BBX: variants seen among roughly 807,000 people sequenced by gnomAD.
BBX encodes HMG box transcription factor BBX.
BBX carries 30 observed loss-of-function variants against 100.2 expected under a neutral mutation model. That is an observed-to-expected ratio of 0.30 (90% CI 0.22 to 0.41). BBX has a LOEUF of 0.41. BBX is among the 10% of genes least tolerant of loss of function. The probability of loss-of-function intolerance (pLI) is 1.00; values close to 1 mark genes in which losing one functional copy is unlikely to be tolerated. For missense variants in BBX, 1,023 were observed against 1,129.8 expected (o/e 0.91, Z 1.35); for synonymous variants, 376 against 388.1 (o/e 0.97, Z 0.37).
intron 10 of BBX, among the ~76,000 whole-genome samples, chr3:107,771,662 C>T (rs373211296): frequency 6.6e-6 from 1 of 152,164 alleles, no homozygotes; most frequent in East Asian, 1.9e-4. Flanking sequence ...GAGTTCACAT[C>T]AGATCAATTT....
At chr3:107,640,696 T>C (rs1421461259) in intron 2 of BBX, among the ~76,000 whole-genome samples, 1 of 152,192 alleles carries the variant, frequency 6.6e-6, no homozygotes, top group Non-Finnish European at 1.5e-5. Flanking sequence ...GGAGTCTTGC[T>C]CTGTTGCCCA....
chr3:107,688,333 C>G (rs751251837), intron 3 of BBX, among the ~76,000 whole-genome samples: 1 of 152,216 alleles, frequency 6.6e-6, no homozygotes, highest in Non-Finnish European at 1.5e-5. Flanking sequence ...CTGAACAGTT[C>G]TTTTCAGACT....
chr3:107,643,695 T>C (rs948148387), intron 2 of BBX, among the ~76,000 whole-genome samples: 1 of 152,192 alleles, frequency 6.6e-6, no homozygotes, highest in African/African-American at 2.4e-5. Flanking sequence ...CCTGCCTTTC[T>C]GATACCTCAC....
intron 12 of BBX, 24 bp downstream of exon 12, chr3:107,774,881 C>T (rs2067200474): frequency 1.2e-6 from 2 of 1,610,274 alleles, no homozygotes; most frequent in African/African-American, 1.3e-5. Context: ...AGCACAGTCA[C>T]CTGTACTCCA....
At chr3:107,791,731 A>T (rs2069066538) in intron 15 of BBX, among the ~76,000 whole-genome samples, 1 of 152,226 alleles carries the variant, frequency 6.6e-6, no homozygotes, top group Admixed American at 6.5e-5. Context: ...AGCAAGGCAC[A>T]GTGGCTCACG....
At position 107,716,701 on chromosome 3, in the gene BBX, C is replaced by T. The variant is rs2107375542; in HGVS notation, c.257C>T (p.Ala86Val). Residue 86 changes from alanine (A) to valine (V), a missense_variant, in exon 5 of 18, where the codon GCA becomes GTA. Transcript: ENST00000325805. ...CAGCGAGCCCGGAGACCAATGAATG[C>T]ATTTCTTTTATTTTGCAAACGCCAT... ...PEQRARRPMN[A>V]FLLFCKRHRS... 6.2e-7 allele frequency: 1 copy of T among 1,613,800 alleles called. No homozygotes were observed. Among genetic ancestry groups the T allele is most frequent in the East Asian group, 2.2e-5 (1 of 44,868 alleles).
At chr3:107,604,189 G>A (rs1341191221) in intron 2 of BBX, among the ~76,000 whole-genome samples, 4 of 152,176 alleles carry the variant, frequency 2.6e-5, no homozygotes, top group Admixed American at 2.6e-4. Context: ...TGTTTCTGAT[G>A]TGTAGTCAGA....
At chr3:107,720,874 G>A (rs950568962) in intron 5 of BBX, among the ~76,000 whole-genome samples, 1 of 151,666 alleles carries the variant, frequency 6.6e-6, no homozygotes, top group African/African-American at 2.4e-5. Flanking sequence ...CCTTATTTTG[G>A]GTTCATCAGA....
At chr3:107,638,928 T>C (rs1400428004) in intron 2 of BBX, among the ~76,000 whole-genome samples, 1 of 151,614 alleles carries the variant, frequency 6.6e-6, no homozygotes, top group African/African-American at 2.4e-5. Flanking sequence ...GGCAGAGGTT[T>C]TAGTAAGCCA....
At chr3:107,633,593 A>T (rs1346583542) in intron 2 of BBX, among the ~76,000 whole-genome samples, 1 of 152,204 alleles carries the variant, frequency 6.6e-6, no homozygotes, top group South Asian at 2.1e-4. Context: ...TTTTTGAAAG[A>T]TAAAGAATCT....
intron 10 of BBX, among the ~76,000 whole-genome samples, chr3:107,763,294 G>C (rs538684000): frequency 2.0e-5 from 3 of 150,006 alleles, no homozygotes; most frequent in Non-Finnish European, 4.4e-5. Context: ...GCGCGATCTC[G>C]GCTCACTGCA....
At chr3:107,758,151 T>C (rs959795912) in intron 10 of BBX, among the ~76,000 whole-genome samples, 2 of 152,216 alleles carry the variant, frequency 1.3e-5, no homozygotes, top group Non-Finnish European at 2.9e-5. Flanking sequence ...CTATGTCCCA[T>C]GTCAAGGGAA....
At chr3:107,658,468 A>C (rs897931548) in intron 3 of BBX, among the ~76,000 whole-genome samples, 4 of 151,874 alleles carry the variant, frequency 2.6e-5, no homozygotes, top group African/African-American at 9.7e-5. Context: ...GTCATTGTCG[A>C]CTCTTCTTTC....
At chr3:107,710,999 C>T (rs115056016) in intron 4 of BBX, among the ~76,000 whole-genome samples, 84 of 152,322 alleles carry the variant, frequency 5.5e-4, no homozygotes, top group Non-Finnish European at 1.0e-3. Context: ...CATTGGCAGT[C>T]TTAGAACTGC....
intron 2 of BBX, among the ~76,000 whole-genome samples, chr3:107,562,186 A>G (rs1009628014): frequency 2.6e-5 from 4 of 152,212 alleles, no homozygotes; most frequent in Admixed American, 2.0e-4. Context: ...GTTTATTTCA[A>G]TGCGATTACA....
At chr3:107,540,102 A>G (rs1179678768) in intron 2 of BBX, among the ~76,000 whole-genome samples, 1 of 152,220 alleles carries the variant, frequency 6.6e-6, no homozygotes, top group Admixed American at 6.5e-5. Context: ...GTAGGGATTC[A>G]GGATATATTA....
intron 5 of BBX, among the ~76,000 whole-genome samples, chr3:107,722,680 G>A (rs553725023): frequency 6.6e-6 from 1 of 152,064 alleles, no homozygotes; most frequent in South Asian, 2.1e-4. Context: ...CAGGTTTAAT[G>A]TAGAACTTAA....
rs1366056824 is a variant in BBX at position 107,580,419 on chromosome 3, A to G, written c.-84+54021A>G. On this transcript the variant is annotated intron_variant, in intron 2 of 17. Transcript: ENST00000325805. The stretch of plus-strand genomic sequence containing the variant: ...TGTTATTCAGTATTATTATACAAGC[A>G]CATTCATGTGATAATATATACTAAC... 2.0e-5 allele frequency among the ~76,000 whole-genome samples: 3 copies of G among 152,184 alleles called. No homozygotes were observed. The East Asian group carries it at 5.8e-4, about 29-fold the overall frequency.
chr3:107,566,227 C>G (rs1290460204), intron 2 of BBX, among the ~76,000 whole-genome samples: 2 of 142,686 alleles, frequency 1.4e-5, no homozygotes, highest in Non-Finnish European at 3.0e-5. Flanking sequence ...CTAATCATGT[C>G]ATTTTCTTCT....
Sources: allele counts gnomAD v4.1 joint callset (sites outside exome capture counted in the v4.1 genomes callset), GRCh38; gene constraint gnomAD v4.1.1; transcripts MANE v1.5; gene names NCBI Gene and HGNC (gene_info 2026-07-23, HGNC 2026-07-21).